Variants in CEP170 observed in about 807,000 individuals in gnomAD.
CEP170 encodes centrosomal protein of 170 kDa.
CEP170 carries 21 observed loss-of-function variants against 151.9 expected under a neutral mutation model. That is an observed-to-expected ratio of 0.14 (90% CI 0.10 to 0.20). CEP170 has a LOEUF of 0.20. CEP170 is among the 10% of genes least tolerant of loss of function. The pLI, the probability that CEP170 is intolerant of heterozygous loss-of-function variation, is 1.00. For missense variants in CEP170, 964 were observed against 1,892.9 expected (o/e 0.51, Z 9.11); for synonymous variants, 356 against 648.8 (o/e 0.55, Z 6.86).
chr1:243,192,309 G>A (rs142675402), intron 7 of CEP170, among the ~76,000 whole-genome samples: 2,397 of 152,180 alleles, frequency 0.016, 65 homozygotes, highest in African/African-American at 0.055. Flanking sequence ...GTTGGCAGAA[G>A]GAGCAAGCAA....
rs189079590 is a variant in CEP170, at chr1:243,186,805, G to C, written c.1109-383C>G. Among the ~76,000 whole-genome samples, 306 of 152,136 alleles carry C rather than the reference G, an allele frequency of 2.0e-3. 3 individuals carry two copies. The highest frequency in any genetic ancestry group is 7.3e-3 in the African/African-American group (302 of 41,490). On this transcript the variant is annotated intron_variant, in intron 8 of 19. Transcript: ENST00000366542. Reference sequence around the variant, plus strand: ...AATAAAAAATTTGACTCTAGCATTAGAGATGAAAAAAGACAAGAAAAAGGG... The same window carrying C: ...AATAAAAAATTTGACTCTAGCATTACAGATGAAAAAAGACAAGAAAAAGGG...
At chr1:243,214,213 A>G (rs1042466682) in intron 3 of CEP170, among the ~76,000 whole-genome samples, 8 of 151,998 alleles carry the variant, frequency 5.3e-5, no homozygotes, top group Admixed American at 2.6e-4. Flanking sequence ...TCTAAAAATA[A>G]TAAGTGTTTT....
intron 19 of CEP170, among the ~76,000 whole-genome samples, chr1:243,128,021 C>T (rs1205078305): frequency 1.3e-5 from 2 of 152,040 alleles, no homozygotes; most frequent in African/African-American, 4.8e-5. Context: ...TACTGTCAAA[C>T]CTATGAACTA....
At chr1:243,229,694 G>A in intron 1 of CEP170, among the ~76,000 whole-genome samples, 1 of 152,152 alleles carries the variant, frequency 6.6e-6, no homozygotes, top group East Asian at 1.9e-4. Context: ...TGGATTGCAT[G>A]ATCTCATTGT....
chr1:243,223,983 C>G (rs191136932), intron 2 of CEP170, among the ~76,000 whole-genome samples: 1 of 151,732 alleles, frequency 6.6e-6, no homozygotes, highest in East Asian at 1.9e-4. Flanking sequence ...ATCTAGTGAC[C>G]GAGTCAAGGA....
chr1:243,176,159 T>C (rs1260742800), intron 10 of CEP170, among the ~76,000 whole-genome samples: 4 of 152,088 alleles, frequency 2.6e-5, no homozygotes, highest in Non-Finnish European at 4.4e-5. Context: ...TGGTCTGGTC[T>C]CAATCCAAAT....
Position 243,178,224 on chromosome 1 carries a change from G to A in CEP170, c.1567-5378C>T, listed in dbSNP as rs1210555254. Among the ~76,000 whole-genome samples, 7 of 146,564 alleles carry A rather than the reference G, an allele frequency of 4.8e-5. No homozygotes were observed. In the East Asian group the frequency reaches 6.2e-4, roughly 13 times the overall value. On this transcript the variant is annotated intron_variant, in intron 10 of 19. Coordinates refer to ENST00000366542, the MANE Select transcript of CEP170 (RefSeq NM_014812.3). ...AGTGCTTGTAGTCCCAGCTACTAGC[G>A]AGGCTGAGACAGGAGAATCGCATAA...
intron 10 of CEP170, among the ~76,000 whole-genome samples, chr1:243,176,274 C>T (rs1031491462): frequency 6.6e-6 from 1 of 151,980 alleles, no homozygotes; most frequent in African/African-American, 2.4e-5. Flanking sequence ...AATTTTTATG[C>T]TTGCACCCCA....
chr1:243,225,350 G>T (rs979525707), intron 1 of CEP170, 29 bp from the exon 2 acceptor site: 2 of 917,156 alleles, frequency 2.2e-6, no homozygotes, highest in Non-Finnish European at 3.2e-6. Flanking sequence ...AAAAATATAC[G>T]TTCAGATATT....
chr1:243,147,092 A>G (rs1277065553), intron 14 of CEP170, among the ~76,000 whole-genome samples: 1 of 152,202 alleles, frequency 6.6e-6, no homozygotes, highest in Non-Finnish European at 1.5e-5. Flanking sequence ...CAAATAAAAG[A>G]CAGTATTCTT....
chr1:243,237,759 G>C (rs1416808109), intron 1 of CEP170, among the ~76,000 whole-genome samples: 7 of 152,088 alleles, frequency 4.6e-5, no homozygotes, highest in African/African-American at 7.2e-5. Flanking sequence ...TAAAAAATTA[G>C]CTGGGCCTTG....
rs536679988 is a variant in CEP170 at position 243,177,481 on chromosome 1, C to T, written c.1567-4635G>A. Reference sequence around the variant, plus strand: ...CAAGGTGTCCAAGTAAAAATGTACTCAAGTTTCAACCTCAGATAACCAGAA... The same window carrying T: ...CAAGGTGTCCAAGTAAAAATGTACTTAAGTTTCAACCTCAGATAACCAGAA... On this transcript the variant is annotated intron_variant, in intron 10 of 19. Coordinates refer to ENST00000366542, the MANE Select transcript of CEP170 (RefSeq NM_014812.3). Among the ~76,000 whole-genome samples the T allele has an allele frequency of 1.3e-3, 194 of 152,280 alleles. 2 individuals are homozygous for T. The highest frequency in any genetic ancestry group is 4.3e-3 in the African/African-American group (180 of 41,554).
rs1160895906 is a variant in CEP170, at chr1:243,166,097, A to G, written c.1863T>C (p.Ser621=). The part of the protein sequence containing the change: ...PLENETEISE[S]GMTVRSTGSA... ...AGCCAGTACTTCTCACTGTCATGCC[A>G]GACTCACTGATCTCTGTCTCTATGA... Residue 621 remains serine (S), a synonymous_variant, in exon 13 of 20, where the codon TCT becomes TCC. Coordinates refer to ENST00000366542, the MANE Select transcript of CEP170 (RefSeq NM_014812.3). 9 of 1,612,892 alleles carry G rather than the reference A, an allele frequency of 5.6e-6. No homozygotes were observed. Among genetic ancestry groups the G allele is most frequent in the Non-Finnish European group, 7.6e-6 (9 of 1,179,444 alleles).
chr1:243,226,180 TCTAG>T (rs2063271794), intron 1 of CEP170, among the ~76,000 whole-genome samples: 1 of 36,482 alleles, frequency 2.7e-5, no homozygotes, highest in South Asian at 1.4e-3. Flanking sequence ...TATATATATA[TCTAG>T]ATATATATAT....
intron 10 of CEP170, among the ~76,000 whole-genome samples, chr1:243,179,179 CTT>C (rs1214642500): frequency 6.6e-6 from 1 of 152,154 alleles, no homozygotes; most frequent in Non-Finnish European, 1.5e-5. Context: ...TCGATTTGCT[CTT>C]TCTTTCATAT....
At chr1:243,209,899 T>C (rs2061669523) in intron 4 of CEP170, among the ~76,000 whole-genome samples, 1 of 152,114 alleles carries the variant, frequency 6.6e-6, no homozygotes, top group South Asian at 2.1e-4. Flanking sequence ...TTCACTGTGT[T>C]AGCCAGGATG....
At chr1:243,191,687 G>A (rs1435592089) in intron 7 of CEP170, among the ~76,000 whole-genome samples, 193 bp from the exon 8 acceptor site, 2 of 152,078 alleles carry the variant, frequency 1.3e-5, no homozygotes, top group East Asian at 1.9e-4. Context: ...CATGCGATTT[G>A]ATTACCAATA....
At chr1:243,161,676 A>G (rs1423885819) in intron 13 of CEP170, among the ~76,000 whole-genome samples, 1 of 152,014 alleles carries the variant, frequency 6.6e-6, no homozygotes. Flanking sequence ...ATGGAATTGG[A>G]AACATTATGG....
chr1:243,245,756 AAAAC>A (rs1261435129), intron 1 of CEP170, among the ~76,000 whole-genome samples: 25 of 151,074 alleles, frequency 1.7e-4, no homozygotes, highest in African/African-American at 3.7e-4. Context: ...AACAAAAAAC[AAAAC>A]AAAAAAAACA....
Sources: gnomAD v4.1 joint callset for allele counts (sites outside exome capture counted in the v4.1 genomes callset) on GRCh38, gnomAD v4.1.1 for gene constraint, MANE v1.5 for transcripts, NCBI Gene and HGNC (gene_info 2026-07-23, HGNC 2026-07-21) for gene names.